The following TRDMT1 variants were observed in gnomAD, a reference collection of about 807,000 sequenced individuals.
TRDMT1 encodes the protein tRNA (cytosine(38)-C(5))-methyltransferase.
Under a neutral mutation model 51.2 loss-of-function variants are expected in TRDMT1, and 49 were observed. The ratio of observed to expected loss-of-function variants is 0.96; its 90% CI spans 0.76 to 1.21. The LOEUF (loss-of-function observed/expected upper bound fraction) is 1.21, where lower values mean the gene tolerates loss of function less well. Among genes scored for constraint, TRDMT1 ranks in the 50% most tolerant of loss-of-function variants. The probability of loss-of-function intolerance (pLI) is 0.00; values close to 1 mark genes in which losing one functional copy is unlikely to be tolerated. For missense variants in TRDMT1, 534 were observed against 462.3 expected (o/e 1.16, Z -1.42); for synonymous variants, 187 against 164.6 (o/e 1.14, Z -1.04).
Position 17,147,196 on chromosome 10 carries a change from T to C in TRDMT1, c.*1844A>G. 1 of 985,850 alleles carries C rather than the reference T, an allele frequency of 1.0e-6. No homozygotes were observed. Among genetic ancestry groups the C allele is most frequent in the Non-Finnish European group, 1.2e-6 (1 of 829,924 alleles). The allele number at this position is 985,850 out of a possible 1,614,324, so 61.1% of individuals were successfully genotyped here. On this transcript the variant is annotated 3_prime_UTR_variant, in exon 11 of 11. Coordinates refer to ENST00000377799, the MANE Select transcript of TRDMT1 (RefSeq NM_004412.7). The stretch of plus-strand genomic sequence containing the variant: ...GAATATTTCAGCAGTGAACAGAACC[T>C]ACATGAAAGTGTGCCAAAATAATTT...
At position 17,146,568 on chromosome 10, in the gene TRDMT1, T is replaced by A. The variant is rs1838128740; in HGVS notation, c.*2472A>T. The A allele has an allele frequency of 1.0e-6, 1 of 985,108 alleles. No individual in the cohort carries two copies. Among genetic ancestry groups the A allele is most frequent in the South Asian group, 4.7e-5 (1 of 21,284 alleles). 61.0% of individuals were successfully genotyped at this position (985,108 alleles called of 1,614,324 possible). ...ATACTAAAAATATGAAGCAGGGTAATAAATACCTTACAATTATCTGGCAAG... is the reference window on the plus strand; with the variant it reads ...ATACTAAAAATATGAAGCAGGGTAAAAAATACCTTACAATTATCTGGCAAG... On this transcript the variant is annotated 3_prime_UTR_variant, in exon 11 of 11. Coordinates refer to ENST00000377799, the MANE Select transcript of TRDMT1 (RefSeq NM_004412.7).
Position 17,161,473 on chromosome 10 carries a change from AT to A in TRDMT1, c.389+9del. ...TCTAAGATGTATGCAAGACAAATAC[AT>A]TTTTTTACCTTGTAGAAGATACTTC... On this transcript the variant is annotated intron_variant, in intron 5 of 10. Transcript: ENST00000377799. The A allele has an allele frequency of 1.9e-5, 26 of 1,368,670 alleles. No individual in the cohort carries two copies. Among genetic ancestry groups the A allele is most frequent in the Non-Finnish European group, 2.4e-5 (24 of 1,018,724 alleles). The allele number at this position is 1,368,670 out of a possible 1,614,324, so 84.8% of individuals were successfully genotyped here.
At chr10:17,173,348 T>A (rs545320999) in intron 2 of TRDMT1, among the ~76,000 whole-genome samples, 43 of 151,958 alleles carry the variant, frequency 2.8e-4, no homozygotes, top group Non-Finnish European at 4.0e-4. Context: ...GTACAAAATA[T>A]CACTCAACAA....
At chr10:17,180,022 T>G (rs1843082210) in intron 1 of TRDMT1, among the ~76,000 whole-genome samples, 1 of 152,114 alleles carries the variant, frequency 6.6e-6, no homozygotes, top group African/African-American at 2.4e-5. Flanking sequence ...CTATGAGCAT[T>G]TAAGTAAGAA....
chr10:17,154,416 T>C (rs751982347), intron 9 of TRDMT1, among the ~76,000 whole-genome samples: 9 of 152,158 alleles, frequency 5.9e-5, no homozygotes, highest in Non-Finnish European at 1.3e-4. Flanking sequence ...AACTACTATT[T>C]ATGGAATAAA....
At chr10:17,171,643 GAT>G (rs1842038969) in intron 2 of TRDMT1, 1 of 152,170 alleles carries the variant, frequency 6.6e-6, no homozygotes, top group Non-Finnish European at 1.5e-5. Context: ...CTAAAAAATT[GAT>G]AGTTTCATTT....
At chr10:17,172,701 G>C (rs1238371683) in intron 2 of TRDMT1, among the ~76,000 whole-genome samples, 1 of 152,018 alleles carries the variant, frequency 6.6e-6, no homozygotes, top group Non-Finnish European at 1.5e-5. Flanking sequence ...GAAAATTGTA[G>C]GTATATAGAT....
rs1291471892 is a variant in TRDMT1, at chr10:17,147,097, C to T, written c.*1943G>A. 30 of 985,660 alleles carry T rather than the reference C, an allele frequency of 3.0e-5. No homozygotes were observed. The highest frequency in any genetic ancestry group is 3.3e-5 in the Non-Finnish European group (27 of 829,916). The allele number at this position is 985,660 out of a possible 1,614,324, so 61.1% of individuals were successfully genotyped here. On this transcript the variant is annotated 3_prime_UTR_variant, in exon 11 of 11. Coordinates refer to ENST00000377799, the MANE Select transcript of TRDMT1 (RefSeq NM_004412.7). ...GACACTTATTTTGTATAATGTTGCT[C>T]AACCGAATGTGGGATACTATAATTA...
At chr10:17,170,272 C>T (rs1841785280) in intron 2 of TRDMT1, among the ~76,000 whole-genome samples, 2 of 152,064 alleles carry the variant, frequency 1.3e-5, no homozygotes, top group South Asian at 4.1e-4. Context: ...AAATTGAACC[C>T]TTCACAACTT....
In TRDMT1 at chr10:17,150,549, A is replaced by G. The variant is rs1247938259; in HGVS notation, c.1076-1409T>C. On this transcript the variant is annotated intron_variant, in intron 10 of 10. Transcript: ENST00000377799. Reference sequence around the variant, plus strand: ...CTGTCCACGTACAAGCGTGTGCACTATAATGTTAGTTATAATGGCAGGATT... The same window carrying G: ...CTGTCCACGTACAAGCGTGTGCACTGTAATGTTAGTTATAATGGCAGGATT... 4 of 985,290 alleles carry G rather than the reference A, an allele frequency of 4.1e-6. No homozygotes were observed. The African/African-American group carries it at 5.2e-5, about 13-fold the overall frequency. 61.0% of individuals were successfully genotyped at this position (985,290 alleles called of 1,614,324 possible). A position where few individuals can be genotyped will look rare whatever the true frequency, so the allele number is the denominator to read the frequency against.
chr10:17,169,410 A>G (rs1383663683), intron 2 of TRDMT1: 1 of 1,287,068 alleles, frequency 7.8e-7, no homozygotes, highest in Non-Finnish European at 1.0e-6. Flanking sequence ...AAAGGGCCTC[A>G]TTCTCAGATA....
chr10:17,153,794 T>C (rs1252297887), intron 9 of TRDMT1, among the ~76,000 whole-genome samples, 158 bp from the exon 10 acceptor site: 2 of 152,176 alleles, frequency 1.3e-5, no homozygotes, highest in African/African-American at 2.4e-5. Context: ...AGACTACATA[T>C]TGGCTCAATA....
rs529650239 is a variant in TRDMT1, at chr10:17,156,121, T to A, written c.887+1320A>T. Among the ~76,000 whole-genome samples, 912 of 152,224 alleles carry A rather than the reference T, an allele frequency of 6.0e-3. 6 individuals carry two copies. Among genetic ancestry groups the A allele is most frequent in the Non-Finnish European group, 0.01 (701 of 68,012 alleles). On this transcript the variant is annotated intron_variant, in intron 8 of 10. Coordinates refer to ENST00000377799, the MANE Select transcript of TRDMT1 (RefSeq NM_004412.7). ...GGGTACAGTGTATCATACAAGATAT[T>A]AATAGCTAGCTAGAAGGTAAGAACA...
chr10:17,155,205 C>T (rs1260451334), intron 8 of TRDMT1, among the ~76,000 whole-genome samples: 2 of 149,876 alleles, frequency 1.3e-5, no homozygotes, highest in East Asian at 3.9e-4. Context: ...CAGAGTGAGA[C>T]TCCATCTCAA....
rs1171240349 is a variant in TRDMT1 at position 17,147,884 on chromosome 10, C to T, written c.*1156G>A. On this transcript the variant is annotated 3_prime_UTR_variant, in exon 11 of 11. Transcript: ENST00000377799. ...TTCTATGTTGAATTTTGTGACGAAC[C>T]TCCATAGCGTTTTCCAACAGCAGCT... 1.7e-6 allele frequency: 1 copy of T among 601,494 alleles called. No homozygotes were observed. Among genetic ancestry groups the T allele is most frequent in the African/African-American group, 2.0e-5 (1 of 49,698 alleles). The allele number at this position is 601,494 out of a possible 1,614,324, so 37.3% of individuals were successfully genotyped here.
In TRDMT1 at chr10:17,177,017, C is replaced by T. The variant is rs796323135; in HGVS notation, c.65-2357G>A. ...GGAAAGGGATTCGTGAGTATCTTTT[C>T]ATTGAAACAGAGGAAGAGGATGTGT... On this transcript the variant is annotated intron_variant, in intron 1 of 10. Transcript: ENST00000377799. 5.3e-5 allele frequency among the ~76,000 whole-genome samples: 8 copies of T among 151,952 alleles called. No homozygotes were observed. The South Asian group carries it at 1.7e-3, about 32-fold the overall frequency.
At position 17,148,373 on chromosome 10, in the gene TRDMT1, A is replaced by G. The variant is rs1048237697; in HGVS notation, c.*667T>C. 2 of 985,342 alleles carry G rather than the reference A, an allele frequency of 2.0e-6. No homozygotes were observed. Among genetic ancestry groups the G allele is most frequent in the Non-Finnish European group, 2.4e-6 (2 of 829,950 alleles). The allele number at this position is 985,342 out of a possible 1,614,324, so 61.0% of individuals were successfully genotyped here. ...AGTCAACTAAAGGAAAGTACATACA[A>G]AATGAAGAAGGAAAAATGAGTTTTG... On this transcript the variant is annotated 3_prime_UTR_variant, in exon 11 of 11. Transcript: ENST00000377799.
intron 1 of TRDMT1, among the ~76,000 whole-genome samples, chr10:17,183,791 G>T (rs950979524): frequency 2.0e-5 from 3 of 152,164 alleles, no homozygotes; most frequent in African/African-American, 7.2e-5. Flanking sequence ...AGAATTCAAT[G>T]CTGCTCTTGG....
chr10:17,180,933 A>G (rs1843207992), intron 1 of TRDMT1, among the ~76,000 whole-genome samples: 1 of 152,220 alleles, frequency 6.6e-6, no homozygotes, highest in Admixed American at 6.5e-5. Flanking sequence ...TTTACATCAA[A>G]TTAAATTTTG....
Sources: gnomAD v4.1 joint callset for allele counts (sites outside exome capture counted in the v4.1 genomes callset) on GRCh38, gnomAD v4.1.1 for gene constraint, MANE v1.5 for transcripts, NCBI Gene and HGNC (gene_info 2026-07-23, HGNC 2026-07-21) for gene names.